TNRC18: variants seen among roughly 807,000 people sequenced by gnomAD.
TNRC18 encodes trinucleotide repeat-containing gene 18 protein.
In TNRC18, 69 loss-of-function variants were observed where a neutral mutation model predicts 226.7. The ratio of observed to expected loss-of-function variants is 0.30; its 90% CI spans 0.25 to 0.37. The LOEUF is 0.37. TNRC18 is among the 10% of genes least tolerant of loss of function. The probability of loss-of-function intolerance (pLI) is 1.00; values close to 1 mark genes in which losing one functional copy is unlikely to be tolerated. For missense variants in TNRC18, 4,754 were observed against 4,256.6 expected, an observed-to-expected ratio of 1.12 and a Z score of -3.25; for synonymous variants, 2,449 against 1,927.6, an observed-to-expected ratio of 1.27 and a Z score of -7.09.
chr7:5,354,824 C>A (rs1792177274), intron 16 of TNRC18, among the ~76,000 whole-genome samples: 2 of 152,140 alleles, frequency 1.3e-5, no homozygotes, highest in Admixed American at 6.5e-5. Context: ...TCACTTAAGG[C>A]CCCCAACGAC....
chr7:5,418,687 G>A (rs1171705223), intron 2 of TNRC18, among the ~76,000 whole-genome samples: 1 of 152,220 alleles, frequency 6.6e-6, no homozygotes, highest in Non-Finnish European at 1.5e-5. Flanking sequence ...ACGCTGGCAA[G>A]ACCTAAGGTG....
At position 5,361,537 on chromosome 7, in the gene TNRC18, G is replaced by A. The variant is rs1324082034; in HGVS notation, c.4661+57C>T. On this transcript the variant is annotated intron_variant, in intron 14 of 29. Transcript: ENST00000430969. ...CCGAGGCAGGCCCTGCGTGGGGCCC[G>A]GGCTCCTCCCCTCAAGCTGTGTGCC... is the stretch of plus-strand genomic sequence containing the variant. 5.6e-6 allele frequency: 8 copies of A among 1,436,270 alleles called. No homozygotes were observed. The East Asian group carries it at 8.1e-5, about 15-fold the overall frequency. The allele number at this position is 1,436,270 out of a possible 1,614,324, so 89.0% of individuals were successfully genotyped here. A position where few individuals can be genotyped will look rare whatever the true frequency, so the allele number is the denominator to read the frequency against.
chr7:5,394,534 C>A lies in TNRC18; in HGVS notation c.249G>T (p.Gly83=). The change falls in exon 3 of 30, where the codon GGG becomes GGT. Residue 83 remains glycine, a synonymous_variant. Transcript: ENST00000430969. The surrounding 1 kb of genome is among the most constrained non-coding windows in gnomAD (Gnocchi z 4.5). ...GGTCAGAGGGCAGTGGCACTGGGCT[C>A]CCATGGGACGAGGCCGAGGGCCCCA... is the stretch of plus-strand genomic sequence containing the variant. ...SGMGPSASSH[G]SPVPLPSDLS... is the part of the protein sequence containing the mutation. 2 of 1,552,998 alleles carry A rather than the reference C, an allele frequency of 1.3e-6. No homozygotes were observed. The highest frequency in any genetic ancestry group is 8.7e-7 in the Non-Finnish European group (1 of 1,150,596).
At chr7:5,398,017 CAG>C (rs1297138779) in intron 2 of TNRC18, among the ~76,000 whole-genome samples, 11 of 152,076 alleles carry the variant, frequency 7.2e-5, no homozygotes, top group Non-Finnish European at 1.3e-4. Context: ...TTTTTAGAGA[CAG>C]GGTCTCACTC....
intron 5 of TNRC18, among the ~76,000 whole-genome samples, chr7:5,384,435 C>T (rs868022385): frequency 5.3e-5 from 8 of 152,186 alleles, no homozygotes; most frequent in South Asian, 4.1e-4. Context: ...ACATCAGCAC[C>T]AACAGAGAAG....
intron 2 of TNRC18, among the ~76,000 whole-genome samples, chr7:5,399,852 C>T (rs1780958909): frequency 6.6e-6 from 1 of 151,486 alleles, no homozygotes; most frequent in African/African-American, 2.4e-5. Context: ...TGGCGAAAAC[C>T]ACCCCCCGCC....
At chr7:5,367,487 G>A (rs1243254006) in intron 11 of TNRC18, among the ~76,000 whole-genome samples, 1 of 151,532 alleles carries the variant, frequency 6.6e-6, no homozygotes, top group Admixed American at 6.6e-5. Flanking sequence ...GAGGGCAGTG[G>A]TACCATCTCG....
chr7:5,341,696 G>A (rs566803097), intron 18 of TNRC18, among the ~76,000 whole-genome samples: 7 of 150,474 alleles, frequency 4.7e-5, no homozygotes, highest in East Asian at 3.9e-4. Context: ...CCTGGGAGGC[G>A]GAGGTTGCAG....
At chr7:5,414,023 G>A (rs1200037353) in intron 2 of TNRC18, among the ~76,000 whole-genome samples, 2 of 151,814 alleles carry the variant, frequency 1.3e-5, no homozygotes, top group Non-Finnish European at 2.9e-5. Flanking sequence ...CACGATCTCG[G>A]CTCACTGCAA....
chr7:5,385,212 C>T (rs1033075267), intron 5 of TNRC18, among the ~76,000 whole-genome samples: 44 of 152,178 alleles, frequency 2.9e-4, no homozygotes, highest in African/African-American at 9.9e-4. Context: ...GCTGGCTGGG[C>T]GCGGTGGCTC....
chr7:5,362,012 G>A lies in TNRC18; in HGVS notation c.4417C>T (p.Leu1473=), dbSNP rs1055451644. The change falls in exon 13 of 30, where the codon CTG becomes TTG. Residue 1473 remains leucine, a synonymous_variant. Coordinates refer to ENST00000430969, the MANE Select transcript of TNRC18 (RefSeq NM_001080495.3). ...EERMYAMKSS[L]EDMDALELDF... ...AGCTCCAGGGCGTCCATGTCCTCCAGGGAGGACTTCATGGCATACATCTGG... is the reference window on the plus strand; with the variant it reads ...AGCTCCAGGGCGTCCATGTCCTCCAAGGAGGACTTCATGGCATACATCTGG... 1.9e-6 allele frequency: 3 copies of A among 1,613,568 alleles called. No homozygotes were observed. Among genetic ancestry groups the A allele is most frequent in the East Asian group, 2.2e-5 (1 of 44,850 alleles).
rs377427691 is a variant in TNRC18, at chr7:5,379,311, G to A, written c.2153-1287C>T. Among the ~76,000 whole-genome samples, 45 of 151,958 alleles carry A rather than the reference G, an allele frequency of 3.0e-4. 1 individual carries two copies. Among genetic ancestry groups the A allele is most frequent in the East Asian group, 1.4e-3 (7 of 5,180 alleles). ...AGGCTGAGGTGGGAGGATCTCTTGC[G>A]CCGGGGAGGTCGAGGCTGCAGTGAC... On this transcript the variant is annotated intron_variant, in intron 5 of 29. Coordinates refer to ENST00000430969, the MANE Select transcript of TNRC18 (RefSeq NM_001080495.3).
At chr7:5,382,752 G>A (rs899025022) in intron 5 of TNRC18, among the ~76,000 whole-genome samples, 4 of 151,968 alleles carry the variant, frequency 2.6e-5, no homozygotes, top group Non-Finnish European at 5.9e-5. Flanking sequence ...AGGGCTCCCC[G>A]CTCAGCCTTG....
chr7:5,386,149 G>A (rs28760888), intron 5 of TNRC18, among the ~76,000 whole-genome samples: 3,349 of 149,458 alleles, frequency 0.022, 135 homozygotes, highest in African/African-American at 0.077. Context: ...TTAGCCAGGC[G>A]TGATGGCACG....
intron 11 of TNRC18, among the ~76,000 whole-genome samples, chr7:5,363,477 G>A (rs570204359): frequency 1.5e-3 from 222 of 152,254 alleles, no homozygotes; most frequent in Non-Finnish European, 2.5e-3. Context: ...GGTGGCGGGC[G>A]CCTGTAGCCC....
chr7:5,376,738 C>T, intron 8 of TNRC18, 109 bp downstream of exon 8: 1 of 1,383,456 alleles, frequency 7.2e-7, no homozygotes, highest in Non-Finnish European at 9.9e-7. Flanking sequence ...CCTCCCCAGC[C>T]CCAGATCTGC....
At chr7:5,389,420 G>T in intron 4 of TNRC18, 84 bp from the exon 5 acceptor site, 1 of 1,200,348 alleles carries the variant, frequency 8.3e-7, no homozygotes, top group South Asian at 3.9e-5. Flanking sequence ...CCCTGAGAGG[G>T]GGATGGACCA....
chr7:5,343,440 T>G (rs189250488), intron 18 of TNRC18, among the ~76,000 whole-genome samples: 158 of 152,316 alleles, frequency 1.0e-3, no homozygotes, highest in Non-Finnish European at 1.9e-3. Flanking sequence ...CTTTTATTTT[T>G]GAGACAGGGT....
At chr7:5,409,325 T>C (rs1000471788) in intron 2 of TNRC18, among the ~76,000 whole-genome samples, 1 of 151,872 alleles carries the variant, frequency 6.6e-6, no homozygotes. Flanking sequence ...TGGGAATTAA[T>C]GTATGCATGA....
Sources: gnomAD v4.1 joint callset for allele counts (sites outside exome capture counted in the v4.1 genomes callset) on GRCh38, gnomAD v4.1.1 for gene constraint, Gnocchi (gnomAD v3.1) non-coding constraint, MANE v1.5 for transcripts, NCBI Gene and HGNC (gene_info 2026-07-23, HGNC 2026-07-21) for gene names.